DOCK1: variants seen among roughly 807,000 people sequenced by gnomAD.
DOCK1 encodes dedicator of cytokinesis 1.
Under a neutral mutation model 262.7 loss-of-function variants are expected in DOCK1, and 138 were observed. The ratio of observed to expected loss-of-function variants is 0.53; its 90% confidence interval spans 0.46 to 0.61. The LOEUF (loss-of-function observed/expected upper bound fraction) is 0.61. Among genes scored for constraint, DOCK1 ranks in the 20% least tolerant of loss-of-function variants. The probability of loss-of-function intolerance (pLI) is 0.00; values close to 1 mark genes in which losing one functional copy is unlikely to be tolerated. For synonymous variants in DOCK1, 866 were observed against 867.4 expected (o/e 1.00, Z 0.03); for missense variants, 1,908 against 2,370.7 (o/e 0.80, Z 4.05).
chr10:127,277,631 C>T (rs7914416), intron 29 of DOCK1, among the ~76,000 whole-genome samples: 23,048 of 151,872 alleles, frequency 0.15, 1,997 homozygotes, highest in East Asian at 0.25. Flanking sequence ...GGTGTGGTGG[C>T]GGGCACCTGT....
chr10:126,952,954 A>G (rs1460014233), intron 1 of DOCK1, among the ~76,000 whole-genome samples: 1 of 312 alleles, frequency 3.2e-3, no homozygotes, highest in Admixed American at 0.045. Flanking sequence ...TGGTAGTGGT[A>G]GTATTTTTTG....
chr10:127,056,200 C>CATG (rs145529680), intron 22 of DOCK1, among the ~76,000 whole-genome samples: 6 of 151,912 alleles, frequency 3.9e-5, no homozygotes, highest in South Asian at 4.2e-4. Context: ...TGCTCCTGAT[C>CATG]ATGATGATGA....
chr10:126,987,945 T>C (rs921363760), intron 5 of DOCK1: 4 of 206,694 alleles, frequency 1.9e-5, no homozygotes, highest in Non-Finnish European at 4.0e-5. Flanking sequence ...TGGGTGTTGA[T>C]GTCACCTTTT....
At chr10:127,417,532 TC>T (rs2134455033) in intron 44 of DOCK1, among the ~76,000 whole-genome samples, 1 of 152,280 alleles carries the variant, frequency 6.6e-6, no homozygotes, top group East Asian at 1.9e-4. Flanking sequence ...CCTGGAGTGC[TC>T]CAAGCAGCCT....
At position 126,939,988 on chromosome 10, in the gene DOCK1, G is replaced by A. The variant is rs1047814387; in HGVS notation, c.47-30714G>A. On this transcript the variant is annotated intron_variant, in intron 1 of 51. Transcript: ENST00000623213. ...TGGCTGCATTTAGCCCTGAGTTGGG[G>A]CTGGCATTGGGAGAGTCTAGGGTAA... Among the ~76,000 whole-genome samples the A allele has an allele frequency of 5.7e-3, 865 of 152,296 alleles. 10 individuals carry two copies. The highest frequency in any genetic ancestry group is 0.02 in the African/African-American group (825 of 41,550).
chr10:127,271,327 C>T (rs920066503), intron 29 of DOCK1, among the ~76,000 whole-genome samples: 3 of 152,136 alleles, frequency 2.0e-5, no homozygotes, highest in Admixed American at 6.5e-5. Flanking sequence ...GCAATTCCAC[C>T]ATTCTTTGTC....
Position 127,071,924 on chromosome 10 carries a change from TC to T in DOCK1, c.2445+10151del, listed in dbSNP as rs567940021. The stretch of plus-strand genomic sequence containing the variant: ...CAGAATTCTAGGCACTTGCTTGCCA[TC>T]CCTCCTGCCTTGTCCCCAGTAATGA... On this transcript the variant is annotated intron_variant, in intron 23 of 51. Coordinates refer to ENST00000623213, the MANE Select transcript of DOCK1 (RefSeq NM_001290223.2). Among the ~76,000 whole-genome samples, 29 of 152,326 alleles carry T rather than the reference TC, an allele frequency of 1.9e-4. No homozygotes were observed. The East Asian group carries it at 4.4e-3, about 23-fold the overall frequency.
chr10:127,112,952 G>A (rs2048955473), intron 25 of DOCK1, among the ~76,000 whole-genome samples: 1 of 152,114 alleles, frequency 6.6e-6, no homozygotes, highest in African/African-American at 2.4e-5. Context: ...CTTGTTCAAA[G>A]CAGCCAACAG....
intron 25 of DOCK1, among the ~76,000 whole-genome samples, chr10:127,119,621 C>G (rs1026152953): frequency 6.6e-6 from 1 of 152,160 alleles, no homozygotes; most frequent in Non-Finnish European, 1.5e-5. Flanking sequence ...ATAGCAAACA[C>G]CCCCCATGTA....
intron 23 of DOCK1, among the ~76,000 whole-genome samples, chr10:127,088,029 C>G (rs2047298886): frequency 6.6e-6 from 1 of 152,186 alleles, no homozygotes; most frequent in South Asian, 2.1e-4. Context: ...CTGATTTGCT[C>G]TAAATCATCT....
In DOCK1 at chr10:126,987,523, A is replaced by G; in HGVS notation, c.230A>G (p.Gln77Arg). The change falls in exon 5 of 52, where the codon CAA becomes CGA. Residue 77 changes from glutamine to arginine, a missense_variant and splice_region_variant. Transcript: ENST00000623213. ...LKEAIVEGKGQHETVIPGDLP... is the reference protein window; with the variant it reads ...LKEAIVEGKGRHETVIPGDLP... ...GCTCTTTCCTTCTTTCCTCCCAGGCAACATGAAACAGTCATCCCGGGTGAC... is the reference window on the plus strand; with the variant it reads ...GCTCTTTCCTTCTTTCCTCCCAGGCGACATGAAACAGTCATCCCGGGTGAC... 3.2e-6 allele frequency: 5 copies of G among 1,576,036 alleles called. No homozygotes were observed. Among genetic ancestry groups the G allele is most frequent in the Non-Finnish European group, 4.3e-6 (5 of 1,160,474 alleles).
chr10:126,912,619 G>A (rs1162805984), intron 1 of DOCK1, among the ~76,000 whole-genome samples: 9 of 151,750 alleles, frequency 5.9e-5, no homozygotes, highest in East Asian at 1.9e-4. Flanking sequence ...CCAGCTACTC[G>A]GGAGGCTGAG....
At chr10:127,324,383 G>A (rs574876594) in intron 29 of DOCK1, among the ~76,000 whole-genome samples, 1 of 152,356 alleles carries the variant, frequency 6.6e-6, no homozygotes, top group South Asian at 2.1e-4. Context: ...TGCCTGGAAA[G>A]TAGATTTCTT....
intron 33 of DOCK1, among the ~76,000 whole-genome samples, chr10:127,367,045 T>C (rs2064957310): frequency 6.6e-6 from 1 of 152,196 alleles, no homozygotes; most frequent in Admixed American, 6.5e-5. Context: ...TCCAGGTGTA[T>C]TTTACTCTTA....
intron 37 of DOCK1, among the ~76,000 whole-genome samples, chr10:127,383,547 T>C (rs2065935250): frequency 6.6e-6 from 1 of 152,240 alleles, no homozygotes. Flanking sequence ...CACTCTTGCC[T>C]GACCTTTCTG....
At chr10:127,244,298 T>C (rs4750758) in intron 27 of DOCK1, among the ~76,000 whole-genome samples, 58,005 of 152,022 alleles carry the variant, frequency 0.38, 11,190 homozygotes, top group African/African-American at 0.42. Flanking sequence ...CAAAATATCA[T>C]ATTATTTACA....
At chr10:126,999,260 AC>A (rs2040418511) in intron 8 of DOCK1, 93 bp from the exon 9 acceptor site, 1 of 898,352 alleles carries the variant, frequency 1.1e-6, no homozygotes, top group East Asian at 2.5e-5. Flanking sequence ...TGTATAGTGC[AC>A]GTACATGGTA....
At chr10:127,447,367 G>T in intron 50 of DOCK1, 27 bp from the exon 51 acceptor site, 2 of 1,604,488 alleles carry the variant, frequency 1.2e-6, no homozygotes, top group African/African-American at 1.3e-5. Context: ...AAGTCGGGCT[G>T]ATTTTAAATA....
At chr10:127,375,644 T>C (rs1182970320) in intron 35 of DOCK1, among the ~76,000 whole-genome samples, 1 of 152,244 alleles carries the variant, frequency 6.6e-6, no homozygotes, top group Non-Finnish European at 1.5e-5. Context: ...GATCTGTGCT[T>C]TGCCATGAGG....
Sources: allele counts gnomAD v4.1 joint callset (sites outside exome capture counted in the v4.1 genomes callset), GRCh38; gene constraint gnomAD v4.1.1; transcripts MANE v1.5; gene names NCBI Gene and HGNC (gene_info 2026-07-23, HGNC 2026-07-21).